LPCAT1: variants seen among roughly 807,000 people sequenced by gnomAD.
The protein encoded by LPCAT1 is lysophosphatidylcholine acyltransferase 1, also known as 1-acylglycerol-3-phosphate O-acyltransferase.
In LPCAT1, 23 loss-of-function variants were observed where a neutral mutation model predicts 60.9. The observed-to-expected ratio is 0.38, with a 90% CI of 0.27 to 0.53. The LOEUF is 0.53. LPCAT1 is among the 20% of genes least tolerant of loss of function. The pLI is 0.82. For missense variants in LPCAT1, 622 were observed against 723.6 expected (o/e 0.86, Z 1.61); for synonymous variants, 340 against 301.1 (o/e 1.13, Z -1.34).
intron 12 of LPCAT1, 86 bp from the exon 13 acceptor site, chr5:1,466,976 C>T: frequency 1.5e-6 from 2 of 1,327,670 alleles, no homozygotes; most frequent in Non-Finnish European, 1.9e-6. Flanking sequence ...CGGCCCTGCC[C>T]CGCTTTGTCA....
chr5:1,521,890 T>C lies in LPCAT1; in HGVS notation c.135+1820A>G, dbSNP rs542927535. Among the ~76,000 whole-genome samples the C allele has an allele frequency of 5.3e-5, 8 of 152,264 alleles. 1 individual carries two copies. The South Asian group carries it at 1.7e-3, about 32-fold the overall frequency. ...CACTCTGGCAGTGCCCTGACATCTG[T>C]ACCTACCCATGAGAGTCTCTGCCCT... On this transcript the variant is annotated intron_variant, in intron 1 of 13. Transcript: ENST00000283415. The surrounding 1 kb of genome is among the most constrained non-coding windows in gnomAD (Gnocchi z 4.3).
chr5:1,463,144 G>A lies in LPCAT1; in HGVS notation c.*507C>T, dbSNP rs1181903192. 1 of 153,880 alleles carries A rather than the reference G, an allele frequency of 6.5e-6. No individual in the cohort carries two copies. Among genetic ancestry groups the A allele is most frequent in the African/African-American group, 2.4e-5 (1 of 41,522 alleles). 9.5% of individuals were successfully genotyped at this position (153,880 alleles called of 1,614,324 possible). On this transcript the variant is annotated 3_prime_UTR_variant, in exon 14 of 14. Coordinates refer to ENST00000283415, the MANE Select transcript of LPCAT1 (RefSeq NM_024830.5). ...AATGGAGTTTATAAAATACTCATGA[G>A]CTCCAGCACACAGGTAGAAACACTG...
Position 1,480,883 on chromosome 5 carries a change from C to A in LPCAT1, c.761+59G>T. On this transcript the variant is annotated intron_variant, in intron 7 of 13. Transcript: ENST00000283415. The surrounding 1 kb of genome is among the most constrained non-coding windows in gnomAD (Gnocchi z 6.4). ...ACTAGCGTGCACAGCAGACCCCAAGCAGCCCCTACGTGTTCATGGAACAAC... is the reference window on the plus strand; with the variant it reads ...ACTAGCGTGCACAGCAGACCCCAAGAAGCCCCTACGTGTTCATGGAACAAC... 2 of 1,600,300 alleles carry A rather than the reference C, an allele frequency of 1.2e-6. No homozygotes were observed. The highest frequency in any genetic ancestry group is 1.1e-5 in the South Asian group (1 of 90,814).
At chr5:1,500,632 G>A (rs1297975334) in intron 2 of LPCAT1, among the ~76,000 whole-genome samples, 2 of 152,234 alleles carry the variant, frequency 1.3e-5, no homozygotes, top group African/African-American at 4.8e-5. Context: ...GCTGGGCCTG[G>A]CTCCAGCCAG....
chr5:1,472,678 A>C (rs1195334409), intron 11 of LPCAT1, among the ~76,000 whole-genome samples: 2 of 152,148 alleles, frequency 1.3e-5, no homozygotes, highest in Admixed American at 6.5e-5. Context: ...TTTCAATTCC[A>C]ACACTGTGGT....
chr5:1,515,707 C>A (rs1736488431), intron 1 of LPCAT1, among the ~76,000 whole-genome samples: 1 of 151,962 alleles, frequency 6.6e-6, no homozygotes, highest in Admixed American at 6.5e-5. Context: ...GCCCTGTACA[C>A]CCTGCTCCAC....
chr5:1,503,729 G>C (rs1389551988), intron 1 of LPCAT1, among the ~76,000 whole-genome samples: 1 of 152,160 alleles, frequency 6.6e-6, no homozygotes, highest in Non-Finnish European at 1.5e-5. Flanking sequence ...ACTGTTTATA[G>C]AGTCCCTTTT....
At chr5:1,518,669 C>CG (rs1313681689) in intron 1 of LPCAT1, among the ~76,000 whole-genome samples, 1 of 152,224 alleles carries the variant, frequency 6.6e-6, no homozygotes, top group African/African-American at 2.4e-5. Context: ...GCACCTGCTG[C>CG]GGCCAGCACC....
intron 1 of LPCAT1, among the ~76,000 whole-genome samples, chr5:1,508,995 G>A (rs943772964): frequency 1.2e-4 from 19 of 152,280 alleles, no homozygotes; most frequent in African/African-American, 4.6e-4. Context: ...CCATCGCGGT[G>A]CCCGACAGGG....
intron 1 of LPCAT1, among the ~76,000 whole-genome samples, chr5:1,514,909 A>G (rs962718921): frequency 1.3e-5 from 2 of 152,164 alleles, no homozygotes; most frequent in East Asian, 3.8e-4. Context: ...GGAAACGCCA[A>G]TCTCCCCGGA....
At chr5:1,512,713 C>T (rs1156578575) in intron 1 of LPCAT1, among the ~76,000 whole-genome samples, 2 of 152,238 alleles carry the variant, frequency 1.3e-5, no homozygotes, top group Non-Finnish European at 2.9e-5. Context: ...TAAGCGTTCC[C>T]TGACACCCTG....
rs1253213713 is a variant in LPCAT1, at chr5:1,521,253, TGGA to T, written c.135+2454_135+2456del. ...GTAGTTAAATGACAGATGGGCTGGC[TGGA>T]GGAGGAGGTGTCCCCGCATGGCGCT... On this transcript the variant is annotated intron_variant, in intron 1 of 13. Coordinates refer to ENST00000283415, the MANE Select transcript of LPCAT1 (RefSeq NM_024830.5). This position sits in a 1 kb window ranked among gnomAD's most constrained non-coding sequence, Gnocchi z 4.3. 20 of 814,134 alleles carry T rather than the reference TGGA, an allele frequency of 2.5e-5. No homozygotes were observed. The highest frequency in any genetic ancestry group is 6.1e-4 in the Middle Eastern group (1 of 1,628). 50.4% of individuals were successfully genotyped at this position (814,134 alleles called of 1,614,324 possible). A position where few individuals can be genotyped will look rare whatever the true frequency, so the allele number is the denominator to read the frequency against.
At chr5:1,467,048 G>A in intron 12 of LPCAT1, 158 bp from the exon 13 acceptor site, 2 of 689,484 alleles carry the variant, frequency 2.9e-6, no homozygotes, top group Admixed American at 4.2e-5. Context: ...TCCATGTGGA[G>A]CCATGCAGCA....
At chr5:1,511,433 G>A (rs557028230) in intron 1 of LPCAT1, among the ~76,000 whole-genome samples, 5 of 150,694 alleles carry the variant, frequency 3.3e-5, no homozygotes, top group African/African-American at 9.8e-5. Flanking sequence ...TGCTCACCTC[G>A]CTCACCCTAC....
intron 8 of LPCAT1, among the ~76,000 whole-genome samples, chr5:1,478,084 G>A (rs1734996602): frequency 6.6e-6 from 1 of 152,282 alleles, no homozygotes; most frequent in Non-Finnish European, 1.5e-5. Context: ...GGATAATGCA[G>A]CACGTTATTC....
rs772359923 is a variant in LPCAT1, at chr5:1,474,549, C to G, written c.1025+11G>C. The G allele has an allele frequency of 3.7e-6, 6 of 1,613,356 alleles. No homozygotes were observed. In the Admixed American group the frequency reaches 6.7e-5, roughly 18 times the overall value. On this transcript the variant is annotated intron_variant, in intron 10 of 13. Transcript: ENST00000283415. ...TAGCTAATGCTCAAGGAAGAAGAAC[C>G]AGGTACTCACCCGAGGCCCCGCACG...
At chr5:1,514,050 G>A (rs1160732124) in intron 1 of LPCAT1, among the ~76,000 whole-genome samples, 1 of 152,260 alleles carries the variant, frequency 6.6e-6, no homozygotes, top group Non-Finnish European at 1.5e-5. Flanking sequence ...CCTGGAGGTG[G>A]GAGTCCCAGG....
At chr5:1,509,022 C>T (rs1054569016) in intron 1 of LPCAT1, among the ~76,000 whole-genome samples, 8 of 152,388 alleles carry the variant, frequency 5.2e-5, no homozygotes, top group East Asian at 1.9e-4. Context: ...CGGTGAGGCC[C>T]ACCAGGCGCA....
rs375037785 is a variant in LPCAT1 at position 1,466,855 on chromosome 5, T to C, written c.1314A>G (p.Glu438=). 6.2e-7 allele frequency: 1 copy of C among 1,609,164 alleles called. No individual in the cohort carries two copies. Among genetic ancestry groups the C allele is most frequent in the Non-Finnish European group, 8.5e-7 (1 of 1,177,008 alleles). The change falls in exon 13 of 14, where the codon GAA becomes GAG. Residue 438 remains glutamate (E), a synonymous_variant. Transcript: ENST00000283415. The part of the protein sequence containing the change: ...YGAQEDGSVG[E]GDLSCILKTA... Reference sequence around the variant, plus strand: ...TCTTGAGGATGCAGGACAGGTCACCTTCGCCGACGCTGCCGTCCTCTTGCG... The same window carrying C: ...TCTTGAGGATGCAGGACAGGTCACCCTCGCCGACGCTGCCGTCCTCTTGCG...
Sources: gnomAD v4.1 joint callset for allele counts (sites outside exome capture counted in the v4.1 genomes callset) on GRCh38, gnomAD v4.1.1 for gene constraint, Gnocchi (gnomAD v3.1) non-coding constraint, MANE v1.5 for transcripts, NCBI Gene and HGNC (gene_info 2026-07-23, HGNC 2026-07-21) for gene names.